The following HSPA4L variants were observed in gnomAD, a reference collection of about 807,000 sequenced individuals.
HSPA4L encodes the protein heat shock protein family A (Hsp70) member 4 like, also known as heat shock 70 kDa protein 4L.
In HSPA4L, 48 loss-of-function variants were observed where a neutral mutation model predicts 100.3. That is an observed-to-expected ratio of 0.48 (90% CI 0.38 to 0.61). The LOEUF (loss-of-function observed/expected upper bound fraction) is 0.61, where lower values mean the gene tolerates loss of function less well. Ranked by LOEUF, HSPA4L falls within the 20% of genes least tolerant of loss-of-function variation. The probability of loss-of-function intolerance (pLI) is 0.00; values close to 1 mark genes in which losing one functional copy is unlikely to be tolerated. For missense variants in HSPA4L, 886 were observed against 988.6 expected, an observed-to-expected ratio of 0.90 and a Z score of 1.39; for synonymous variants, 319 against 328.2, an observed-to-expected ratio of 0.97 and a Z score of 0.30.
chr4:127,781,837 G>A (rs1222559693), upstream of HSPA4L: 1 of 268,300 alleles, frequency 3.7e-6, no homozygotes, highest in Non-Finnish European at 7.6e-6. Flanking sequence ...CCCTCGGGGA[G>A]GCGAGGCCTG....
At chr4:127,826,528 A>G (rs551609336) in intron 16 of HSPA4L, among the ~76,000 whole-genome samples, 1 of 152,312 alleles carries the variant, frequency 6.6e-6, no homozygotes, top group East Asian at 1.9e-4. Context: ...TAAAGACTGT[A>G]GTCCAGTTAA....
chr4:127,823,555 A>G lies in HSPA4L; in HGVS notation c.1977A>G (p.Glu659=). 6.2e-7 allele frequency: 1 copy of G among 1,613,680 alleles called. No individual in the cohort carries two copies. Among genetic ancestry groups the G allele is most frequent in the Non-Finnish European group, 8.5e-7 (1 of 1,179,596 alleles). The change falls in exon 16 of 19, where the codon GAA becomes GAG. Residue 659 remains glutamate (E), a synonymous_variant. Transcript: ENST00000296464. ...SKLSAVLEDT[E]NWLYEDGEDQ... ...TGTCTGCAGTATTGGAAGACACAGA[A>G]AATTGGCTTTATGAAGACGGAGAGG... is the stretch of plus-strand genomic sequence containing the variant.
intron 1 of HSPA4L, among the ~76,000 whole-genome samples, chr4:127,784,505 GA>G (rs762826156): frequency 7.9e-5 from 12 of 152,194 alleles, no homozygotes; most frequent in Non-Finnish European, 1.6e-4. Flanking sequence ...TTGTGTGCTA[GA>G]AAGCCAATAG....
chr4:127,823,581 AC>A lies in HSPA4L; in HGVS notation c.2005del (p.Gln669AsnfsTer13). The A allele has an allele frequency of 6.2e-7, 1 of 1,613,704 alleles. No homozygotes were observed. The highest frequency in any genetic ancestry group is 1.7e-4 in the Middle Eastern group (1 of 6,056). ...AATTGGCTTTATGAAGACGGAGAGG[AC>A]CAACCTAAACAAGTTTATGTGGATA... is the stretch of plus-strand genomic sequence containing the variant. ...TENWLYEDGE[D>X]QPKQVYVDKL... is the part of the protein sequence containing the mutation. On this transcript the variant is annotated frameshift_variant, in exon 16 of 19. Transcript: ENST00000296464. LOFTEE classifies it high-confidence loss of function.
At chr4:127,803,565 T>C in intron 6 of HSPA4L, 64 bp from the exon 7 acceptor site, 1 of 1,429,630 alleles carries the variant, frequency 7.0e-7, no homozygotes. Flanking sequence ...TTTAGAGGTT[T>C]TTCTTTTTTT....
intron 1 of HSPA4L, among the ~76,000 whole-genome samples, chr4:127,782,968 G>A (rs916514320): frequency 2.6e-5 from 4 of 152,184 alleles, no homozygotes; most frequent in African/African-American, 9.7e-5. Context: ...TTGCGAGGAA[G>A]AGGTTGCTGT....
intron 11 of HSPA4L, chr4:127,809,037 A>G (rs1733447610): frequency 2.1e-6 from 1 of 486,750 alleles, no homozygotes; most frequent in Non-Finnish European, 3.7e-6. Flanking sequence ...GGCAACAACT[A>G]GAATGACTAT....
intron 1 of HSPA4L, among the ~76,000 whole-genome samples, chr4:127,786,454 A>C (rs183921824): frequency 3.9e-5 from 6 of 152,326 alleles, no homozygotes; most frequent in Non-Finnish European, 8.8e-5. Context: ...TTTTAAAAAC[A>C]TTATTTTAAT....
chr4:127,805,362 G>A, intron 9 of HSPA4L, 138 bp downstream of exon 9: 1 of 635,686 alleles, frequency 1.6e-6, no homozygotes, highest in Non-Finnish European at 2.6e-6. Context: ...TGATAAATAA[G>A]TCTTATGTCT....
At chr4:127,784,198 T>C (rs528237744) in intron 1 of HSPA4L, among the ~76,000 whole-genome samples, 12 of 152,346 alleles carry the variant, frequency 7.9e-5, no homozygotes, top group Non-Finnish European at 1.5e-4. Context: ...AATCTTTGGC[T>C]TCATTGACTC....
At chr4:127,803,054 C>T (rs1733238038) in intron 6 of HSPA4L, among the ~76,000 whole-genome samples, 1 of 152,028 alleles carries the variant, frequency 6.6e-6, no homozygotes, top group South Asian at 2.1e-4. Context: ...TGCTGGGAAG[C>T]CTGTTGCTCA....
intron 3 of HSPA4L, among the ~76,000 whole-genome samples, chr4:127,797,461 A>G (rs1733052892): frequency 6.6e-6 from 1 of 152,134 alleles, no homozygotes; most frequent in Non-Finnish European, 1.5e-5. Flanking sequence ...CATTCATAGT[A>G]AGTGCCTGTA....
chr4:127,825,230 A>G, intron 16 of HSPA4L, among the ~76,000 whole-genome samples: 1 of 152,188 alleles, frequency 6.6e-6, no homozygotes, highest in Non-Finnish European at 1.5e-5. Flanking sequence ...TTTAATGTGC[A>G]TATGAATTAC....
chr4:127,800,552 T>TA (rs1733148111), intron 4 of HSPA4L, among the ~76,000 whole-genome samples: 1 of 152,208 alleles, frequency 6.6e-6, no homozygotes, highest in Non-Finnish European at 1.5e-5. Flanking sequence ...TGGTGATTGT[T>TA]AAAGGAAATT....
chr4:127,781,828 C>T (rs1732558633), upstream of HSPA4L: 1 of 266,278 alleles, frequency 3.8e-6, no homozygotes. Context: ...CACATGGGCC[C>T]CTCGGGGAGG....
rs1473874037 is a variant in HSPA4L, at chr4:127,838,521, TCTTTG to T, written c.*5653_*5657del. On this transcript the variant is annotated 3_prime_UTR_variant, in exon 19 of 19. Coordinates refer to ENST00000296464, the MANE Select transcript of HSPA4L (RefSeq NM_014278.4). ...ATAACAAAAAAAATTAATAGTATGC[TCTTTG>T]CTTTGGAATCTCTAATTTACGGTCA... 2.0e-5 allele frequency: 3 copies of T among 152,236 alleles called. No homozygotes were observed. The highest frequency in any genetic ancestry group is 1.3e-4 in the Admixed American group (2 of 15,286). 9.4% of individuals were successfully genotyped at this position (152,236 alleles called of 1,614,324 possible).
intron 12 of HSPA4L, chr4:127,813,052 T>C: frequency 9.7e-7 from 1 of 1,030,310 alleles, no homozygotes; most frequent in Non-Finnish European, 1.5e-6. Context: ...GGGCATTCCT[T>C]TTTGAACAGT....
chr4:127,818,751 G>C (rs760347961), intron 13 of HSPA4L, among the ~76,000 whole-genome samples: 13 of 151,730 alleles, frequency 8.6e-5, no homozygotes, highest in Non-Finnish European at 1.6e-4. Flanking sequence ...GGGTGGAGGA[G>C]GGAGGGAGAT....
intron 18 of HSPA4L, 60 bp downstream of exon 18, chr4:127,830,859 G>A: frequency 9.5e-7 from 1 of 1,048,168 alleles, no homozygotes; most frequent in Non-Finnish European, 1.3e-6. Context: ...TTTAATGAGA[G>A]TCATACTTTG....
Sources: allele counts gnomAD v4.1 joint callset (sites outside exome capture counted in the v4.1 genomes callset), GRCh38; gene constraint gnomAD v4.1.1; transcripts MANE v1.5; gene names NCBI Gene and HGNC (gene_info 2026-07-23, HGNC 2026-07-21).